The following CTNNA2 variants were observed in gnomAD, a reference collection of about 807,000 sequenced individuals.
CTNNA2 encodes the protein catenin alpha 2, also known as catenin alpha-2.
CTNNA2 carries 42 observed loss-of-function variants against 101.0 expected under a neutral mutation model. The ratio of observed to expected loss-of-function variants is 0.42; its 90% CI spans 0.32 to 0.54. The LOEUF is 0.54. Among genes scored for constraint, CTNNA2 ranks in the 20% least tolerant of loss-of-function variants. The pLI, the probability that CTNNA2 is intolerant of heterozygous loss-of-function variation, is 0.14. For missense variants in CTNNA2, 871 were observed against 1,223.1 expected (o/e 0.71, Z 4.29); for synonymous variants, 450 against 456.4 (o/e 0.99, Z 0.18).
chr2:80,358,633 G>A (rs1204077225), intron 7 of CTNNA2, among the ~76,000 whole-genome samples: 3 of 152,036 alleles, frequency 2.0e-5, no homozygotes, highest in East Asian at 1.9e-4. Flanking sequence ...GATTATAGGC[G>A]TGAGCCACTG....
chr2:79,709,135 A>G (rs542585099), intron 2 of CTNNA2, among the ~76,000 whole-genome samples: 1 of 152,308 alleles, frequency 6.6e-6, no homozygotes, highest in Non-Finnish European at 1.5e-5. Context: ...CATATCAGCT[A>G]ATGAAGTGCC....
chr2:79,942,049 T>C (rs755684298), intron 7 of CTNNA2, among the ~76,000 whole-genome samples: 3 of 152,224 alleles, frequency 2.0e-5, no homozygotes, highest in Admixed American at 6.5e-5. Flanking sequence ...ATAAGTCGTT[T>C]ATGGCATAAG....
chr2:80,058,511 T>C (rs1390606973), intron 7 of CTNNA2, among the ~76,000 whole-genome samples: 2 of 152,196 alleles, frequency 1.3e-5, no homozygotes, highest in South Asian at 2.1e-4. Context: ...GGAGAAACTT[T>C]TAAAATGATT....
chr2:79,997,746 A>G (rs1035530681), intron 7 of CTNNA2, among the ~76,000 whole-genome samples: 1 of 152,234 alleles, frequency 6.6e-6, no homozygotes, highest in African/African-American at 2.4e-5. Context: ...TTCTGTGCTT[A>G]TAAATCGGCC....
At chr2:79,906,993 C>A (rs567477330) in intron 6 of CTNNA2, among the ~76,000 whole-genome samples, 1 of 152,310 alleles carries the variant, frequency 6.6e-6, no homozygotes, top group Admixed American at 6.5e-5. Context: ...GACACTAGTA[C>A]ATTCTCTCTA....
At chr2:79,193,591 T>G (rs1019643923) in intron 1 of CTNNA2, among the ~76,000 whole-genome samples, 3 of 152,178 alleles carry the variant, frequency 2.0e-5, no homozygotes, top group African/African-American at 7.2e-5. Flanking sequence ...TCCCCAATAT[T>G]AAGTCATGTA....
At chr2:79,808,369 T>C (rs1027547359) in intron 3 of CTNNA2, among the ~76,000 whole-genome samples, 5 of 152,166 alleles carry the variant, frequency 3.3e-5, no homozygotes, top group Admixed American at 2.6e-4. Flanking sequence ...ATTGCCAAAA[T>C]TGCCCTTTGG....
chr2:79,275,366 A>C (rs1183168921), intron 2 of CTNNA2, among the ~76,000 whole-genome samples: 1 of 151,986 alleles, frequency 6.6e-6, no homozygotes, highest in African/African-American at 2.4e-5. Context: ...AACACATCAT[A>C]AAAAAATACA....
At chr2:80,533,153 A>G (rs1690689257) in intron 9 of CTNNA2, among the ~76,000 whole-genome samples, 1 of 152,208 alleles carries the variant, frequency 6.6e-6, no homozygotes, top group South Asian at 2.1e-4. Flanking sequence ...CATATAATAA[A>G]TAATGGATAA....
intron 2 of CTNNA2, among the ~76,000 whole-genome samples, chr2:79,696,198 C>CTACT (rs1168223130): frequency 6.6e-6 from 1 of 152,024 alleles, no homozygotes; most frequent in African/African-American, 2.4e-5. Flanking sequence ...GTGCATTGAG[C>CTACT]TACTGCAATC....
Position 79,505,999 on chromosome 2 carries a change from T to C in CTNNA2, c.-6+817T>C, listed in dbSNP as rs10196639. ...TAAGGTTGAGTTTAACAAGATTGGG[T>C]TTGAGCCTTTAGTAAGAATGTCATA... is the stretch of plus-strand genomic sequence containing the variant. On this transcript the variant is annotated intron_variant, in intron 5 of 21. Transcript: ENST00000466387. 1.1e-3 allele frequency among the ~76,000 whole-genome samples: 163 copies of C among 152,248 alleles called. 1 individual carries two copies. The highest frequency in any genetic ancestry group is 3.6e-3 in the African/African-American group (149 of 41,548).
rs200170472 is a variant in CTNNA2, at chr2:79,391,594, G to A, written c.-135+17581G>A. Among the ~76,000 whole-genome samples the A allele has an allele frequency of 3.0e-4, 45 of 152,200 alleles. No homozygotes were observed. In the South Asian group the frequency reaches 3.3e-3, roughly 11 times the overall value. ...CCCCTAACCCCTGCATGGTTCCAGCGTCTCCTGCATTTCATTTAATCACCT... is the reference window on the plus strand; with the variant it reads ...CCCCTAACCCCTGCATGGTTCCAGCATCTCCTGCATTTCATTTAATCACCT... On this transcript the variant is annotated intron_variant, in intron 4 of 21. Coordinates refer to the CTNNA2 transcript ENST00000466387.
chr2:79,927,324 G>T (rs1310025468), intron 7 of CTNNA2, among the ~76,000 whole-genome samples: 1 of 152,102 alleles, frequency 6.6e-6, no homozygotes, highest in Non-Finnish European at 1.5e-5. Context: ...TTTGGGAACA[G>T]CTATCCTGCC....
rs575282693 is a variant in CTNNA2, at chr2:80,085,831, A to G, written c.1056+176034A>G. Among the ~76,000 whole-genome samples, 16 of 152,156 alleles carry G rather than the reference A, an allele frequency of 1.1e-4. No individual in the cohort carries two copies. In the South Asian group the frequency reaches 3.1e-3, roughly 30 times the overall value. ...TTAATGACTTGTATTAAGTAGAGAAAAGAGAGAAGGGTGAGGGGAGGTCTG... is the reference window on the plus strand; with the variant it reads ...TTAATGACTTGTATTAAGTAGAGAAGAGAGAGAAGGGTGAGGGGAGGTCTG... On this transcript the variant is annotated intron_variant, in intron 7 of 18. Transcript: ENST00000402739.
At chr2:80,086,692 G>T (rs940798839) in intron 7 of CTNNA2, among the ~76,000 whole-genome samples, 6 of 152,042 alleles carry the variant, frequency 3.9e-5, no homozygotes, top group African/African-American at 1.2e-4. Flanking sequence ...TTATCTATAG[G>T]CAAAGGCTTG....
At chr2:79,448,833 A>G (rs1678859566) in intron 4 of CTNNA2, among the ~76,000 whole-genome samples, 2 of 152,052 alleles carry the variant, frequency 1.3e-5, no homozygotes, top group South Asian at 2.1e-4. Flanking sequence ...TTGAGAGATG[A>G]AAGTCTGCAA....
rs998731944 is a variant in CTNNA2, at chr2:80,530,554, C to G, written c.1291-14428C>G. On this transcript the variant is annotated intron_variant, in intron 9 of 18. Transcript: ENST00000402739. ...TTAGTGACATTAGATAGCCAGGAAA[C>G]GTTGTTCATAAGTGGTATTAAGCAG... Among the ~76,000 whole-genome samples the G allele has an allele frequency of 4.6e-5, 7 of 152,112 alleles. No individual in the cohort carries two copies. In the East Asian group the frequency reaches 1.4e-3, roughly 29 times the overall value.
intron 13 of CTNNA2, among the ~76,000 whole-genome samples, chr2:80,575,751 C>T (rs1694986253): frequency 6.6e-6 from 1 of 152,002 alleles, no homozygotes; most frequent in Non-Finnish European, 1.5e-5. Context: ...AGCCATCATT[C>T]ACTTACTAAT....
At chr2:79,781,979 A>G (rs1290900912) in intron 3 of CTNNA2, among the ~76,000 whole-genome samples, 1 of 152,178 alleles carries the variant, frequency 6.6e-6, no homozygotes, top group Non-Finnish European at 1.5e-5. Context: ...AGCTCACTAA[A>G]TCCTTTTCCT....
Sources: gnomAD v4.1 joint callset for allele counts (sites outside exome capture counted in the v4.1 genomes callset) on GRCh38, gnomAD v4.1.1 for gene constraint, MANE v1.5 for transcripts, NCBI Gene and HGNC (gene_info 2026-07-23, HGNC 2026-07-21) for gene names.